The following SFMBT1 variants were observed in gnomAD, a reference collection of about 807,000 sequenced individuals.
SFMBT1 encodes the protein scm-like with four MBT domains protein 1.
In SFMBT1, 32 loss-of-function variants were observed where a neutral mutation model predicts 108.7. That is an observed-to-expected ratio of 0.29 (90% CI 0.22 to 0.40). The LOEUF (loss-of-function observed/expected upper bound fraction) is 0.40. Ranked by LOEUF, SFMBT1 falls within the 10% of genes least tolerant of loss-of-function variation. SFMBT1 has a pLI of 1.00. For missense variants in SFMBT1, 816 were observed against 1,059.6 expected (o/e 0.77, Z 3.19); for synonymous variants, 348 against 369.5 (o/e 0.94, Z 0.67).
Position 52,999,364 on chromosome 3 carries a change from C to T in SFMBT1, c.-130-30106G>A, listed in dbSNP as rs991967804. ...GCCCCACCTCCTCTGACCAGGCCTG[C>T]GGGGAGGAGCCACCCACGCGCCACA... On this transcript the variant is annotated intron_variant, in intron 1 of 20. Transcript: ENST00000394752. Among the ~76,000 whole-genome samples the T allele has an allele frequency of 1.1e-4, 16 of 150,398 alleles. 1 individual carries two copies. The highest frequency in any genetic ancestry group is 7.4e-4 in the Admixed American group (11 of 14,944).
chr3:52,911,933 C>G (rs1702224797), intron 16 of SFMBT1, among the ~76,000 whole-genome samples: 2 of 151,974 alleles, frequency 1.3e-5, no homozygotes, highest in African/African-American at 4.8e-5. Context: ...CTCCTGACCT[C>G]AGGTGATCCG....
chr3:52,957,618 C>A (rs1703823110), intron 2 of SFMBT1, among the ~76,000 whole-genome samples: 1 of 152,096 alleles, frequency 6.6e-6, no homozygotes, highest in African/African-American at 2.4e-5. Flanking sequence ...ACATCCAGAC[C>A]AATGGAACAG....
At chr3:53,006,628 C>CAAAAAAAAAAA (rs145854514) in intron 1 of SFMBT1, among the ~76,000 whole-genome samples, 3 of 126,310 alleles carry the variant, frequency 2.4e-5, no homozygotes, top group African/African-American at 1.0e-4. Flanking sequence ...AACTCCGTCT[C>CAAAAAAAAAAA]AAAAAAAAAA....
chr3:52,911,811 T>A (rs1171147398), intron 16 of SFMBT1, among the ~76,000 whole-genome samples: 1 of 152,056 alleles, frequency 6.6e-6, no homozygotes, highest in Non-Finnish European at 1.5e-5. Context: ...GAGATTCTCC[T>A]GCCTCAGCCT....
At chr3:52,938,643 T>C (rs1223967425) in intron 4 of SFMBT1, among the ~76,000 whole-genome samples, 1 of 151,850 alleles carries the variant, frequency 6.6e-6, no homozygotes. Context: ...AAAGCTGTTT[T>C]TTTTTTTAAG....
chr3:53,010,575 G>A (rs1035323167), intron 1 of SFMBT1, among the ~76,000 whole-genome samples: 9 of 152,116 alleles, frequency 5.9e-5, no homozygotes, highest in Admixed American at 2.0e-4. Flanking sequence ...ATGCACAAGG[G>A]GGTAATTGTG....
intron 4 of SFMBT1, among the ~76,000 whole-genome samples, chr3:52,939,566 ACT>A (rs888723607): frequency 6.6e-6 from 1 of 152,040 alleles, no homozygotes; most frequent in African/African-American, 2.4e-5. Flanking sequence ...AAAGAGTGAC[ACT>A]CTGTCTCAAA....
intron 4 of SFMBT1, 103 bp downstream of exon 4, chr3:52,943,250 G>C: frequency 7.1e-7 from 1 of 1,402,234 alleles, no homozygotes; most frequent in African/African-American, 1.4e-5. Flanking sequence ...GAAAAGCTGG[G>C]TAAACCTATA....
At chr3:53,006,628 C>CAAAAAAAAAAAAAAA (rs145854514) in intron 1 of SFMBT1, among the ~76,000 whole-genome samples, 1 of 126,314 alleles carries the variant, frequency 7.9e-6, no homozygotes, top group Admixed American at 7.9e-5. Flanking sequence ...AACTCCGTCT[C>CAAAAAAAAAAAAAAA]AAAAAAAAAA....
chr3:53,003,969 T>C (rs1698648774), intron 1 of SFMBT1, among the ~76,000 whole-genome samples: 1 of 149,798 alleles, frequency 6.7e-6, no homozygotes, highest in South Asian at 2.1e-4. Flanking sequence ...AACCATTCTT[T>C]TCCTCAACAA....
intron 1 of SFMBT1, chr3:53,045,372 G>C (rs1700194556): frequency 7.0e-6 from 1 of 143,420 alleles, no homozygotes; most frequent in East Asian, 2.1e-4. Flanking sequence ...GCGGAGCGCG[G>C]GGCGCGCGCG....
chr3:53,012,739 A>G (rs1275417154), intron 1 of SFMBT1, among the ~76,000 whole-genome samples: 1 of 151,692 alleles, frequency 6.6e-6, no homozygotes, highest in Non-Finnish European at 1.5e-5. Flanking sequence ...AGTAATAGGA[A>G]AACACTGGCC....
intron 2 of SFMBT1, among the ~76,000 whole-genome samples, chr3:52,957,504 C>T (rs990771044): frequency 6.6e-6 from 1 of 152,142 alleles, no homozygotes; most frequent in Non-Finnish European, 1.5e-5. Context: ...GCCTGTATAG[C>T]CAAGACAATC....
chr3:52,966,964 A>G (rs1323342032), intron 2 of SFMBT1, among the ~76,000 whole-genome samples: 2 of 150,442 alleles, frequency 1.3e-5, no homozygotes, highest in East Asian at 1.9e-4. Context: ...ATATATATAT[A>G]TATACTATAA....
At chr3:52,911,521 T>A (rs996985201) in intron 16 of SFMBT1, among the ~76,000 whole-genome samples, 3 of 152,216 alleles carry the variant, frequency 2.0e-5, no homozygotes, top group Non-Finnish European at 2.9e-5. Context: ...GCAGTGATCC[T>A]CAGACTGTTA....
intron 3 of SFMBT1, among the ~76,000 whole-genome samples, chr3:52,948,498 A>C (rs777850347): frequency 1.3e-5 from 2 of 152,058 alleles, no homozygotes; most frequent in Non-Finnish European, 2.9e-5. Context: ...GTTTGCAGTA[A>C]ATCTACAGAC....
At chr3:52,967,487 G>A (rs1704186237) in intron 2 of SFMBT1, among the ~76,000 whole-genome samples, 1 of 152,026 alleles carries the variant, frequency 6.6e-6, no homozygotes, top group African/African-American at 2.4e-5. Context: ...AGTGATGGTT[G>A]GAAAACTTTG....
intron 1 of SFMBT1, among the ~76,000 whole-genome samples, chr3:53,032,138 G>A (rs1045418589): frequency 1.3e-5 from 2 of 152,204 alleles, no homozygotes; most frequent in Non-Finnish European, 2.9e-5. Flanking sequence ...CAGAGCCCAA[G>A]GCGAGTGGAA....
intron 17 of SFMBT1, among the ~76,000 whole-genome samples, chr3:52,909,788 G>A (rs1433125665): frequency 6.6e-6 from 1 of 152,202 alleles, no homozygotes; most frequent in Non-Finnish European, 1.5e-5. Flanking sequence ...GCCTTGACAA[G>A]GCTCCAAATT....
Sources: allele counts gnomAD v4.1 joint callset (sites outside exome capture counted in the v4.1 genomes callset), GRCh38; gene constraint gnomAD v4.1.1; transcripts MANE v1.5; gene names NCBI Gene and HGNC (gene_info 2026-07-23, HGNC 2026-07-21).